The following C8orf34 variants were observed in gnomAD, a reference collection of about 807,000 sequenced individuals.
C8orf34 encodes the protein chromosome 8 open reading frame 34.
In C8orf34, 65 loss-of-function variants were observed where a neutral mutation model predicts 68.3. That is an observed-to-expected ratio of 0.95 (90% CI 0.78 to 1.17). C8orf34 has a LOEUF of 1.17. Among genes scored for constraint, C8orf34 ranks in the 50% most tolerant of loss-of-function variants. C8orf34 has a pLI of 0.00. For missense variants in C8orf34, 664 were observed against 655.4 expected (o/e 1.01, Z -0.14); for synonymous variants, 244 against 241.2 (o/e 1.01, Z -0.11).
chr8:68,542,552 G>A (rs939136339), intron 7 of C8orf34, among the ~76,000 whole-genome samples: 1 of 151,990 alleles, frequency 6.6e-6, no homozygotes, highest in Non-Finnish European at 1.5e-5. Flanking sequence ...TTTATAGAAA[G>A]TAGTTTAAGA....
chr8:68,722,518 A>G (rs1217258113), intron 10 of C8orf34, among the ~76,000 whole-genome samples: 2 of 152,124 alleles, frequency 1.3e-5, no homozygotes, highest in Non-Finnish European at 2.9e-5. Context: ...TCATAATAAA[A>G]TTAATTTTTA....
At chr8:68,749,581 C>T (rs1822637097) in intron 10 of C8orf34, among the ~76,000 whole-genome samples, 1 of 152,022 alleles carries the variant, frequency 6.6e-6, no homozygotes, top group Non-Finnish European at 1.5e-5. Flanking sequence ...ATTCCTCATG[C>T]CTATTTATAG....
At chr8:68,345,580 G>A (rs1806245534) in intron 1 of C8orf34, among the ~76,000 whole-genome samples, 1 of 151,786 alleles carries the variant, frequency 6.6e-6, no homozygotes, top group African/African-American at 2.4e-5. Flanking sequence ...TTCATAGTAG[G>A]AAAATTTAAA....
chr8:68,409,053 C>T (rs781316996), intron 1 of C8orf34, among the ~76,000 whole-genome samples: 2 of 152,106 alleles, frequency 1.3e-5, no homozygotes, highest in African/African-American at 4.8e-5. Flanking sequence ...TCCCAAAGTG[C>T]TGGGATTACA....
intron 3 of C8orf34, among the ~76,000 whole-genome samples, chr8:68,462,221 A>T (rs1367706254): frequency 2.0e-5 from 3 of 152,182 alleles, no homozygotes; most frequent in Non-Finnish European, 4.4e-5. Flanking sequence ...TAAAGGGATC[A>T]ATTCAACAAG....
At chr8:68,678,917 A>C (rs141079938) in intron 8 of C8orf34, among the ~76,000 whole-genome samples, 1 of 151,924 alleles carries the variant, frequency 6.6e-6, no homozygotes, top group African/African-American at 2.4e-5. Flanking sequence ...ATTGCAGGAT[A>C]CAAAATCAAC....
At position 68,568,669 on chromosome 8, in the gene C8orf34, T is replaced by C. The variant is rs1816674481; in HGVS notation, c.1105+35520T>C. On this transcript the variant is annotated intron_variant, in intron 7 of 13. Transcript: ENST00000518698. ...ACATTATAACTAGATCAGTAGATTT[T>C]ATGAAGGCCCATAAGTTTTCATAAC... Among the ~76,000 whole-genome samples, 3 of 152,340 alleles carry C rather than the reference T, an allele frequency of 2.0e-5. No homozygotes were observed. The South Asian group carries it at 6.2e-4, about 32-fold the overall frequency.
chr8:68,550,027 G>T (rs571239949), intron 7 of C8orf34, among the ~76,000 whole-genome samples: 22 of 151,662 alleles, frequency 1.5e-4, no homozygotes, highest in African/African-American at 5.1e-4. Flanking sequence ...ACGTATTTTG[G>T]CTTTGATCAC....
intron 7 of C8orf34, among the ~76,000 whole-genome samples, chr8:68,581,151 A>C (rs1817053027): frequency 6.6e-6 from 1 of 152,162 alleles, no homozygotes; most frequent in Non-Finnish European, 1.5e-5. Context: ...GACCCAAAGA[A>C]ACTGGTAAAC....
At chr8:68,616,738 G>C (rs893971536) in intron 7 of C8orf34, among the ~76,000 whole-genome samples, 1 of 152,038 alleles carries the variant, frequency 6.6e-6, no homozygotes, top group South Asian at 2.1e-4. Context: ...AATAGGTGTG[G>C]TGTGGTGCTG....
intron 7 of C8orf34, among the ~76,000 whole-genome samples, chr8:68,550,713 C>T (rs1443830255): frequency 6.6e-6 from 1 of 151,196 alleles, no homozygotes; most frequent in East Asian, 1.9e-4. Context: ...TTTTCTCCTT[C>T]AGTTTTAAAG....
At chr8:68,506,112 A>G (rs1814010232) in intron 5 of C8orf34, among the ~76,000 whole-genome samples, 1 of 150,924 alleles carries the variant, frequency 6.6e-6, no homozygotes, top group Non-Finnish European at 1.5e-5. Flanking sequence ...TACTACACAC[A>G]CATACACACA....
chr8:68,797,036 A>T (rs1824199317), intron 12 of C8orf34, among the ~76,000 whole-genome samples: 2 of 152,100 alleles, frequency 1.3e-5, no homozygotes. Flanking sequence ...CATGTTGGTC[A>T]GGCTGGCCTC....
At chr8:68,418,860 C>A (rs1425940742) in intron 1 of C8orf34, among the ~76,000 whole-genome samples, 2 of 151,854 alleles carry the variant, frequency 1.3e-5, no homozygotes, top group South Asian at 2.1e-4. Flanking sequence ...AAACGTTAGA[C>A]CTAAAACCAT....
chr8:68,815,768 G>T (rs1824792332), intron 12 of C8orf34, 118 bp from the exon 13 acceptor site: 35 of 1,540,984 alleles, frequency 2.3e-5, no homozygotes, highest in Non-Finnish European at 3.0e-5. Flanking sequence ...TATAAATGTA[G>T]TTTTAATATT....
chr8:68,756,754 A>G (rs1023805658), intron 10 of C8orf34, among the ~76,000 whole-genome samples: 1 of 152,164 alleles, frequency 6.6e-6, no homozygotes, highest in Non-Finnish European at 1.5e-5. Context: ...GTACACGAAA[A>G]CATGCCAAAA....
At chr8:68,637,774 C>T (rs536333763) in intron 7 of C8orf34, among the ~76,000 whole-genome samples, 1 of 152,182 alleles carries the variant, frequency 6.6e-6, no homozygotes, top group Admixed American at 6.5e-5. Context: ...GTTGATTTAT[C>T]CATGTAAGTT....
At chr8:68,486,282 G>A (rs973722256) in intron 4 of C8orf34, among the ~76,000 whole-genome samples, 1 of 151,968 alleles carries the variant, frequency 6.6e-6, no homozygotes, top group South Asian at 2.1e-4. Context: ...TCTCCATCAC[G>A]GTTCACTCAG....
At chr8:68,462,993 G>C (rs1811917763) in intron 3 of C8orf34, among the ~76,000 whole-genome samples, 1 of 152,058 alleles carries the variant, frequency 6.6e-6, no homozygotes, top group African/African-American at 2.4e-5. Flanking sequence ...AAAAATTAAT[G>C]AATCCAGGAG....
Sources: gnomAD v4.1 joint callset for allele counts (sites outside exome capture counted in the v4.1 genomes callset) on GRCh38, gnomAD v4.1.1 for gene constraint, MANE v1.5 for transcripts, NCBI Gene and HGNC (gene_info 2026-07-23, HGNC 2026-07-21) for gene names.